HECW2: variants seen among roughly 807,000 people sequenced by gnomAD.
HECW2 encodes HECT, C2 and WW domain containing E3 ubiquitin protein ligase 2, also known as E3 ubiquitin-protein ligase HECW2.
Under a neutral mutation model 175.2 loss-of-function variants are expected in HECW2, and 61 were observed. That is an observed-to-expected ratio of 0.35 (90% confidence interval 0.28 to 0.43). The LOEUF (loss-of-function observed/expected upper bound fraction) is 0.43, where lower values mean the gene tolerates loss of function less well. HECW2 is among the 20% of genes least tolerant of loss of function. The probability of loss-of-function intolerance (pLI) is 1.00; values close to 1 mark genes in which losing one functional copy is unlikely to be tolerated. For synonymous variants in HECW2, 671 were observed against 731.0 expected (o/e 0.92, Z 1.32); for missense variants, 1,524 against 2,000.5 (o/e 0.76, Z 4.54).
intron 2 of HECW2, among the ~76,000 whole-genome samples, chr2:196,420,944 A>AT (rs1695392116): frequency 6.6e-6 from 1 of 152,194 alleles, no homozygotes; most frequent in African/African-American, 2.4e-5. Context: ...AAAGAAAGTG[A>AT]TTGGAATGAA....
chr2:196,400,198 C>T (rs9653252), intron 2 of HECW2, among the ~76,000 whole-genome samples: 4,516 of 152,208 alleles, frequency 0.03, 228 homozygotes, highest in African/African-American at 0.1. Context: ...GCATGTGGTG[C>T]CTTTGCAGCC....
At chr2:196,236,934 G>A (rs926142267) in intron 21 of HECW2, among the ~76,000 whole-genome samples, 8 of 152,182 alleles carry the variant, frequency 5.3e-5, no homozygotes, top group African/African-American at 1.9e-4. Context: ...TTGGAATAAA[G>A]TCACTATGCA....
intron 4 of HECW2, among the ~76,000 whole-genome samples, chr2:196,333,242 G>A (rs960363632): frequency 1.3e-5 from 2 of 151,832 alleles, no homozygotes; most frequent in South Asian, 2.1e-4. Context: ...CCAGACCTAC[G>A]AGATCAATGA....
chr2:196,342,969 T>TCATA (rs3082073), intron 3 of HECW2, among the ~76,000 whole-genome samples: 150,700 of 151,058 alleles, frequency 1, 75,172 homozygotes, highest in South Asian at 1. Context: ...TACCATACAT[T>TCATA]ATGTATATGT....
intron 1 of HECW2, among the ~76,000 whole-genome samples, chr2:196,505,037 G>A (rs1458154008): frequency 1.3e-5 from 2 of 152,020 alleles, no homozygotes; most frequent in Non-Finnish European, 2.9e-5. Context: ...TTTCCTGCTT[G>A]CATGAATGGT....
chr2:196,440,028 T>C (rs1406520879), intron 1 of HECW2, among the ~76,000 whole-genome samples: 1 of 152,086 alleles, frequency 6.6e-6, no homozygotes, highest in East Asian at 1.9e-4. Context: ...TCAATCTAAG[T>C]GACAACAGAA....
At chr2:196,307,679 T>C (rs1691320549) in intron 11 of HECW2, among the ~76,000 whole-genome samples, 1 of 152,168 alleles carries the variant, frequency 6.6e-6, no homozygotes, top group Non-Finnish European at 1.5e-5. Flanking sequence ...ACATCAATGC[T>C]TGGGCTGACT....
chr2:196,279,135 A>G (rs565648378), intron 14 of HECW2, among the ~76,000 whole-genome samples: 59 of 151,520 alleles, frequency 3.9e-4, no homozygotes, highest in African/African-American at 1.3e-3. Context: ...TGCAAGCTCC[A>G]CCTCCCAGGT....
chr2:196,369,090 G>A lies in HECW2; in HGVS notation c.293-25326C>T, dbSNP rs369835947. ...TTAGGTATTTATTGCAGTCTTTACA[G>A]TCTGGGCTTGTTTGTGCCTGTCTTT... is the stretch of plus-strand genomic sequence containing the variant. On this transcript the variant is annotated intron_variant, in intron 2 of 28. Transcript: ENST00000644978. 7.2e-5 allele frequency among the ~76,000 whole-genome samples: 11 copies of A among 152,236 alleles called. No individual in the cohort carries two copies. The East Asian group carries it at 1.4e-3, about 19-fold the overall frequency.
At chr2:196,327,794 T>C (rs180828324) in intron 5 of HECW2, among the ~76,000 whole-genome samples, 2 of 152,324 alleles carry the variant, frequency 1.3e-5, no homozygotes, top group African/African-American at 4.8e-5. Context: ...TCCATGTGAA[T>C]AGAGGTGCGA....
chr2:196,214,004 T>C (rs1020295815), intron 28 of HECW2, among the ~76,000 whole-genome samples: 7 of 152,200 alleles, frequency 4.6e-5, no homozygotes, highest in Non-Finnish European at 7.3e-5. Flanking sequence ...CTTTCCAATA[T>C]GCAAATATCC....
intron 2 of HECW2, among the ~76,000 whole-genome samples, chr2:196,367,874 G>C (rs1191129265): frequency 6.7e-6 from 1 of 149,984 alleles, no homozygotes; most frequent in Non-Finnish European, 1.5e-5. Flanking sequence ...GTGTGTGTGT[G>C]TTTGTGTGTG....
chr2:196,371,495 G>A (rs991363998), intron 2 of HECW2, among the ~76,000 whole-genome samples: 3 of 152,188 alleles, frequency 2.0e-5, no homozygotes, highest in African/African-American at 7.2e-5. Flanking sequence ...CAAAATGTGG[G>A]CCATGGGTAA....
At chr2:196,397,590 T>G (rs545031014) in intron 2 of HECW2, among the ~76,000 whole-genome samples, 2 of 152,378 alleles carry the variant, frequency 1.3e-5, no homozygotes, top group South Asian at 4.1e-4. Flanking sequence ...TCGCTGGCTC[T>G]CTATACAACC....
chr2:196,367,868 GTGTGTGTT>G (rs1400917234), intron 2 of HECW2, among the ~76,000 whole-genome samples: 1 of 151,356 alleles, frequency 6.6e-6, no homozygotes, highest in African/African-American at 2.4e-5. Context: ...GTGTGTGTGT[GTGTGTGTT>G]TGTGTGTGTG....
intron 13 of HECW2, among the ~76,000 whole-genome samples, chr2:196,303,707 A>G (rs1241542532): frequency 1.3e-5 from 2 of 152,190 alleles, no homozygotes; most frequent in South Asian, 4.1e-4. Context: ...AGGTGTTTAT[A>G]GTATTCTCTG....
intron 1 of HECW2, among the ~76,000 whole-genome samples, chr2:196,567,673 T>C (rs1690232193): frequency 6.6e-6 from 1 of 152,186 alleles, no homozygotes; most frequent in Admixed American, 6.5e-5. Context: ...GAATTAATTA[T>C]CTAACGCTGA....
intron 2 of HECW2, among the ~76,000 whole-genome samples, chr2:196,345,268 G>A (rs1035994236): frequency 1.3e-5 from 2 of 152,174 alleles, no homozygotes; most frequent in Admixed American, 6.5e-5. Flanking sequence ...GGTATCACAT[G>A]GCTCCTCAGG....
At chr2:196,278,453 G>T in intron 15 of HECW2, 75 bp downstream of exon 15, 8 of 1,396,104 alleles carry the variant, frequency 5.7e-6, no homozygotes, top group South Asian at 1.4e-5. Flanking sequence ...AAAAAAATCA[G>T]TCAAATTCCT....
Sources: allele counts gnomAD v4.1 joint callset (sites outside exome capture counted in the v4.1 genomes callset), GRCh38; gene constraint gnomAD v4.1.1; transcripts MANE v1.5; gene names NCBI Gene and HGNC (gene_info 2026-07-23, HGNC 2026-07-21).